PLPP1: variants seen among roughly 807,000 people sequenced by gnomAD.
The protein encoded by PLPP1 is lipid phosphate phosphohydrolase 1a.
Under a neutral mutation model 31.2 loss-of-function variants are expected in PLPP1, and 24 were observed. That is an observed-to-expected ratio of 0.77 (90% CI 0.56 to 1.08). The LOEUF is 1.08. Ranked by LOEUF, PLPP1 falls within the 50% of genes least tolerant of loss-of-function variation. The pLI, the probability that PLPP1 is intolerant of heterozygous loss-of-function variation, is 0.00. For missense variants in PLPP1, 319 were observed against 342.7 expected, an observed-to-expected ratio of 0.93 and a Z score of 0.55; for synonymous variants, 146 against 126.3, an observed-to-expected ratio of 1.16 and a Z score of -1.05.
intron 1 of PLPP1, among the ~76,000 whole-genome samples, chr5:55,508,360 C>T (rs528019163): frequency 5.3e-5 from 8 of 152,176 alleles, no homozygotes; most frequent in Non-Finnish European, 1.2e-4. Context: ...GTGTCTGGCA[C>T]CATATTGAAT....
intron 4 of PLPP1, among the ~76,000 whole-genome samples, chr5:55,437,065 A>G (rs556065187): frequency 6.6e-6 from 1 of 152,310 alleles, no homozygotes; most frequent in South Asian, 2.1e-4. Context: ...CTGGCACCCT[A>G]ATCTTAGACT....
rs775146143 is a variant in PLPP1 at position 55,425,994 on chromosome 5, G to A, written c.595C>T (p.Arg199Cys). Reference sequence around the variant, plus strand: ...ACAAGACCAAATTGCAGTGTGGGGCGTAAGAGTCTTGCCCAGTCTCCCTTC... The same window carrying A: ...ACAAGACCAAATTGCAGTGTGGGGCATAAGAGTCTTGCCCAGTCTCCCTTC... ...RMKGDWARLLRPTLQFGLVAV... is the reference protein window; with the variant it reads ...RMKGDWARLLCPTLQFGLVAV... The change falls in exon 5 of 6, where the codon CGC becomes TGC. Residue 199 changes from arginine to cysteine, a missense_variant. Arg to Cys is a radical substitution (Grantham distance 180). Coordinates refer to ENST00000307259, the MANE Select transcript of PLPP1 (RefSeq NM_003711.4). The A allele has an allele frequency of 6.2e-6, 10 of 1,612,720 alleles. No individual in the cohort carries two copies. Among genetic ancestry groups the A allele is most frequent in the East Asian group, 2.2e-5 (1 of 44,860 alleles).
intron 1 of PLPP1, among the ~76,000 whole-genome samples, chr5:55,497,118 G>A (rs1753017958): frequency 6.6e-6 from 1 of 152,110 alleles, no homozygotes; most frequent in Non-Finnish European, 1.5e-5. Context: ...CTACACAACA[G>A]GGAAACTCAG....
intron 1 of PLPP1, among the ~76,000 whole-genome samples, chr5:55,489,250 T>C (rs1247496754): frequency 6.6e-6 from 1 of 152,128 alleles, no homozygotes; most frequent in Non-Finnish European, 1.5e-5. Flanking sequence ...CTCAAGCAAT[T>C]ATCTCCTCAA....
intron 1 of PLPP1, among the ~76,000 whole-genome samples, chr5:55,504,353 T>C (rs563275911): frequency 0.027 from 2,473 of 91,082 alleles, 71 homozygotes; most frequent in African/African-American, 0.091. Flanking sequence ...CGACAGAGAC[T>C]CTGTATCAAA....
chr5:55,490,114 T>C (rs1471621188), intron 1 of PLPP1, among the ~76,000 whole-genome samples: 1 of 151,600 alleles, frequency 6.6e-6, no homozygotes, highest in Non-Finnish European at 1.5e-5. Context: ...TGAAGGACAG[T>C]ACAAAGTAAG....
At chr5:55,482,793 A>C (rs1321455991) in intron 1 of PLPP1, among the ~76,000 whole-genome samples, 1 of 152,256 alleles carries the variant, frequency 6.6e-6, no homozygotes, top group Non-Finnish European at 1.5e-5. Flanking sequence ...CTTTATAAAA[A>C]TAAACTTATT....
At chr5:55,529,238 TAC>T (rs1740573552) in intron 1 of PLPP1, among the ~76,000 whole-genome samples, 1 of 143,116 alleles carries the variant, frequency 7.0e-6, no homozygotes, top group Non-Finnish European at 1.5e-5. Context: ...AAAAACTGCA[TAC>T]ACACATACGT....
intron 1 of PLPP1, among the ~76,000 whole-genome samples, chr5:55,506,923 A>C (rs567076760): frequency 6.6e-6 from 1 of 152,268 alleles, no homozygotes; most frequent in African/African-American, 2.4e-5. Flanking sequence ...AAACTTAAGG[A>C]ATGTTCTCTG....
chr5:55,438,155 C>T lies in PLPP1; in HGVS notation c.549+3696G>A, dbSNP rs186303970. ...TCTCAGGAAAAGTATTTTAACACTC[C>T]TCACTGTATTGAAAGAAAATACAGA... On this transcript the variant is annotated intron_variant, in intron 4 of 5. Transcript: ENST00000307259. 4.5e-3 allele frequency among the ~76,000 whole-genome samples: 680 copies of T among 152,308 alleles called. 3 individuals carry two copies. The highest frequency in any genetic ancestry group is 0.016 in the African/African-American group (649 of 41,562).
intron 3 of PLPP1, among the ~76,000 whole-genome samples, chr5:55,444,456 C>T (rs1361378740): frequency 2.6e-5 from 4 of 152,116 alleles, no homozygotes; most frequent in Admixed American, 2.6e-4. Context: ...AGAACCCTGC[C>T]CTTAGACTTT....
intron 1 of PLPP1, chr5:55,490,988 A>G: frequency 6.2e-7 from 1 of 1,612,844 alleles, no homozygotes. Flanking sequence ...AACCCCCACT[A>G]GGATGAGGAC....
At chr5:55,463,399 C>T (rs1243496592) in intron 3 of PLPP1, among the ~76,000 whole-genome samples, 3 of 152,088 alleles carry the variant, frequency 2.0e-5, no homozygotes, top group Non-Finnish European at 4.4e-5. Flanking sequence ...CGGTGGCTCA[C>T]GCGTGTAACC....
At chr5:55,448,449 C>CAT (rs568192581) in intron 3 of PLPP1, among the ~76,000 whole-genome samples, 2 of 128,248 alleles carry the variant, frequency 1.6e-5, no homozygotes, top group African/African-American at 5.9e-5. Flanking sequence ...ATTCTAGCAC[C>CAT]TTTTTTTTTT....
intron 1 of PLPP1, among the ~76,000 whole-genome samples, chr5:55,478,886 T>A (rs1335433568): frequency 6.6e-6 from 1 of 152,080 alleles, no homozygotes; most frequent in Non-Finnish European, 1.5e-5. Flanking sequence ...AAAATAAGCA[T>A]GAATCTACCA....
intron 4 of PLPP1, among the ~76,000 whole-genome samples, chr5:55,430,832 A>G (rs2111668818): frequency 6.6e-6 from 1 of 152,322 alleles, no homozygotes; most frequent in South Asian, 2.1e-4. Context: ...CAGCAATCAG[A>G]AAAATAATAC....
At chr5:55,467,786 T>G (rs1049752523) in intron 3 of PLPP1, 83 bp downstream of exon 3, 1 of 1,397,402 alleles carries the variant, frequency 7.2e-7, no homozygotes, top group Non-Finnish European at 9.7e-7. Context: ...TCTTTTTAAG[T>G]GCGTGGCTTA....
chr5:55,530,811 C>G (rs918870755), intron 1 of PLPP1: 1 of 1,378,164 alleles, frequency 7.3e-7, no homozygotes, highest in African/African-American at 1.4e-5. Flanking sequence ...TCCGCACGGG[C>G]GTTTTGAGCA....
intron 1 of PLPP1, among the ~76,000 whole-genome samples, chr5:55,500,169 T>C (rs1250193204): frequency 1.3e-5 from 2 of 150,094 alleles, no homozygotes; most frequent in African/African-American, 4.9e-5. Context: ...AAGCTCCACT[T>C]CCCGGGTTCA....
Sources: allele counts gnomAD v4.1 joint callset (sites outside exome capture counted in the v4.1 genomes callset), GRCh38; gene constraint gnomAD v4.1.1; transcripts MANE v1.5; gene names NCBI Gene and HGNC (gene_info 2026-07-23, HGNC 2026-07-21).